Variants in YIPF4 observed in about 807,000 individuals in gnomAD.
YIPF4 encodes the protein protein YIPF4.
YIPF4 carries 18 observed loss-of-function variants against 29.4 expected under a neutral mutation model. The observed-to-expected ratio is 0.61, with a 90% confidence interval of 0.42 to 0.91. YIPF4 has a LOEUF of 0.91. YIPF4 is among the 40% of genes least tolerant of loss of function. The pLI is 0.00. For synonymous variants in YIPF4, 115 were observed against 104.7 expected, an observed-to-expected ratio of 1.10 and a Z score of -0.60; for missense variants, 279 against 282.7, an observed-to-expected ratio of 0.99 and a Z score of 0.09.
At chr2:32,295,105 C>G (rs910817003) in intron 3 of YIPF4, among the ~76,000 whole-genome samples, 6 of 152,136 alleles carry the variant, frequency 3.9e-5, no homozygotes, top group Non-Finnish European at 7.4e-5. Context: ...ACTCATAATT[C>G]TGTTCTTAAA....
chr2:32,279,394 CTTTTTTTT>C (rs35036420), intron 1 of YIPF4, among the ~76,000 whole-genome samples: 4 of 98,742 alleles, frequency 4.1e-5, no homozygotes, highest in Admixed American at 1.3e-4. Flanking sequence ...CTAGATTTTC[CTTTTTTTT>C]TTTTTTTTTT....
chr2:32,305,464 T>G lies in YIPF4; in HGVS notation c.598-25T>G, dbSNP rs780665189. On this transcript the variant is annotated intron_variant, in intron 5 of 5. Transcript: ENST00000238831. ...TAATTGACTTGCTAATATGCTGCCTTTTGTCTTTTTTCCTTTTTTTAAAGC... is the reference window on the plus strand; with the variant it reads ...TAATTGACTTGCTAATATGCTGCCTGTTGTCTTTTTTCCTTTTTTTAAAGC... 3.4e-6 allele frequency: 5 copies of G among 1,461,108 alleles called. No homozygotes were observed. The Admixed American group carries it at 1.2e-4, about 35-fold the overall frequency. The allele number at this position is 1,461,108 out of a possible 1,614,324, so 90.5% of individuals were successfully genotyped here.
Position 32,311,014 on chromosome 2 carries a change from A to G in YIPF4, c.*5388A>G, listed in dbSNP as rs779276816. ...CTTGACACTCTTCAAGTAAATCCCT[A>G]AATTACAACTTTGACATCAAAAAAG... On this transcript the variant is annotated 3_prime_UTR_variant, in exon 6 of 6. Coordinates refer to ENST00000238831, the MANE Select transcript of YIPF4 (RefSeq NM_032312.4). 1 of 152,190 alleles carries G rather than the reference A, an allele frequency of 6.6e-6. No individual in the cohort carries two copies. The highest frequency in any genetic ancestry group is 1.5e-5 in the Non-Finnish European group (1 of 68,042). The allele number at this position is 152,190 out of a possible 1,614,324, so 9.4% of individuals were successfully genotyped here. A position where few individuals can be genotyped will look rare whatever the true frequency, so the allele number is the denominator to read the frequency against.
chr2:32,294,242 T>C (rs575124747), intron 3 of YIPF4, among the ~76,000 whole-genome samples: 304 of 145,512 alleles, frequency 2.1e-3, no homozygotes, highest in Middle Eastern at 4.1e-3. Flanking sequence ...GGGTGGCTGC[T>C]GGGCGGAGGG....
In YIPF4 at chr2:32,316,074, C is replaced by T. The variant is rs554331226; in HGVS notation, c.*10448C>T. On this transcript the variant is annotated 3_prime_UTR_variant, in exon 6 of 6. Transcript: ENST00000238831. The stretch of plus-strand genomic sequence containing the variant: ...AAAAAAAAAGTATAAAGCACAGAAG[C>T]GAAAGGAAAAGTGATGAAGACACTT... 14 of 145,428 alleles carry T rather than the reference C, an allele frequency of 9.6e-5. No individual in the cohort carries two copies. The highest frequency in any genetic ancestry group is 3.3e-4 in the African/African-American group (13 of 39,314). 9.0% of individuals were successfully genotyped at this position (145,428 alleles called of 1,614,324 possible).
At chr2:32,281,093 G>A (rs780561550) in intron 1 of YIPF4, among the ~76,000 whole-genome samples, 70 of 152,126 alleles carry the variant, frequency 4.6e-4, no homozygotes, top group Admixed American at 3.5e-3. Context: ...AATCCATGAA[G>A]TTTATTCAAA....
chr2:32,284,074 A>G (rs1044676380), intron 1 of YIPF4, among the ~76,000 whole-genome samples: 2 of 152,056 alleles, frequency 1.3e-5, no homozygotes, highest in Non-Finnish European at 1.5e-5. Flanking sequence ...CCTTCCATCA[A>G]TTAATTCATT....
At chr2:32,296,107 C>T (rs1191444838) in intron 3 of YIPF4, among the ~76,000 whole-genome samples, 1 of 152,190 alleles carries the variant, frequency 6.6e-6, no homozygotes, top group African/African-American at 2.4e-5. Context: ...TGGTCTCCTA[C>T]CTACCACTGG....
At chr2:32,295,714 C>T (rs1274013315) in intron 3 of YIPF4, among the ~76,000 whole-genome samples, 1 of 152,174 alleles carries the variant, frequency 6.6e-6, no homozygotes, top group Non-Finnish European at 1.5e-5. Flanking sequence ...AGTGATTCTT[C>T]TGCCTCAGCC....
At chr2:32,302,640 A>G (rs551751472) in intron 5 of YIPF4, among the ~76,000 whole-genome samples, 77 of 152,334 alleles carry the variant, frequency 5.1e-4, no homozygotes, top group African/African-American at 1.8e-3. Context: ...ATTGGAATTT[A>G]TTAATGTCGA....
At position 32,312,560 on chromosome 2, in the gene YIPF4, A is replaced by C. The variant is rs1315636207; in HGVS notation, c.*6934A>C. 6.6e-6 allele frequency: 1 copy of C among 151,698 alleles called. No individual in the cohort carries two copies. The highest frequency in any genetic ancestry group is 1.5e-5 in the Non-Finnish European group (1 of 67,938). 9.4% of individuals were successfully genotyped at this position (151,698 alleles called of 1,614,324 possible). A position where few individuals can be genotyped will look rare whatever the true frequency, so the allele number is the denominator to read the frequency against. On this transcript the variant is annotated 3_prime_UTR_variant, in exon 6 of 6. Transcript: ENST00000238831. ...TGTGCTAGTGGTGGCCTGAATAATA[A>C]AACATTGAGAAGAAACAGCCTTTGA...
chr2:32,289,912 G>A (rs757971760), intron 1 of YIPF4, among the ~76,000 whole-genome samples: 1 of 152,108 alleles, frequency 6.6e-6, no homozygotes, highest in African/African-American at 2.4e-5. Flanking sequence ...TTACTCATCA[G>A]ACTTATCAAG....
rs201909447 is a variant in YIPF4 at position 32,286,695 on chromosome 2, G to A, written c.80-3788G>A. 4.2e-4 allele frequency among the ~76,000 whole-genome samples: 64 copies of A among 152,012 alleles called. 2 individuals are homozygous for A. The East Asian group carries it at 0.011, about 25-fold the overall frequency. The stretch of plus-strand genomic sequence containing the variant: ...CGAGTAGCTGGGACTACAGGCGCAC[G>A]CCACCACACCCAGCTAATTTTTGCA... On this transcript the variant is annotated intron_variant, in intron 1 of 5. Transcript: ENST00000238831.
chr2:32,290,159 G>A (rs1273193082), intron 1 of YIPF4, among the ~76,000 whole-genome samples: 1 of 152,114 alleles, frequency 6.6e-6, no homozygotes, highest in Non-Finnish European at 1.5e-5. Flanking sequence ...CCAAAATGAT[G>A]TCATGTAATG....
chr2:32,296,801 G>A (rs761751351), intron 3 of YIPF4, among the ~76,000 whole-genome samples: 6 of 152,126 alleles, frequency 3.9e-5, no homozygotes, highest in Non-Finnish European at 8.8e-5. Flanking sequence ...CAAATATCCT[G>A]TTTCTCATCT....
At chr2:32,292,803 G>T (rs1458189456) in intron 3 of YIPF4, among the ~76,000 whole-genome samples, 1 of 147,876 alleles carries the variant, frequency 6.8e-6, no homozygotes, top group Non-Finnish European at 1.5e-5. Context: ...GGCCGAGGTT[G>T]CAGTGAGCCA....
At chr2:32,289,405 A>G (rs1471183827) in intron 1 of YIPF4, among the ~76,000 whole-genome samples, 1 of 152,172 alleles carries the variant, frequency 6.6e-6, no homozygotes, top group Non-Finnish European at 1.5e-5. Flanking sequence ...TATATGAAAA[A>G]TGGTTTTTTG....
intron 3 of YIPF4, among the ~76,000 whole-genome samples, chr2:32,294,399 C>G (rs555278049): frequency 2.6e-5 from 4 of 151,578 alleles, no homozygotes; most frequent in Admixed American, 2.6e-4. Context: ...TGGTCGCGGC[C>G]GAGCAGAGGC....
chr2:32,293,401 T>G (rs918456593), intron 3 of YIPF4, among the ~76,000 whole-genome samples: 2 of 152,216 alleles, frequency 1.3e-5, no homozygotes, highest in Admixed American at 6.5e-5. Context: ...GAGCACAGGT[T>G]TGGGGGTAAG....
Sources: allele counts gnomAD v4.1 joint callset (sites outside exome capture counted in the v4.1 genomes callset), GRCh38; gene constraint gnomAD v4.1.1; transcripts MANE v1.5; gene names NCBI Gene and HGNC (gene_info 2026-07-23, HGNC 2026-07-21).